RNF185: variants seen among roughly 807,000 people sequenced by gnomAD.
RNF185 encodes E3 ubiquitin-protein ligase RNF185.
RNF185 carries 13 observed loss-of-function variants against 24.9 expected under a neutral mutation model. That is an observed-to-expected ratio of 0.52 (90% CI 0.34 to 0.83). RNF185 has a LOEUF of 0.83. RNF185 is among the 40% of genes least tolerant of loss of function. RNF185 has a pLI of 0.01. For synonymous variants in RNF185, 79 were observed against 90.3 expected (o/e 0.88, Z 0.71); for missense variants, 184 against 244.7 (o/e 0.75, Z 1.65).
chr22:31,184,687 G>A (rs954641830), intron 1 of RNF185, among the ~76,000 whole-genome samples: 2 of 152,218 alleles, frequency 1.3e-5, no homozygotes, highest in Non-Finnish European at 2.9e-5. Context: ...GCCGAGGCTG[G>A]CAGACCACTG....
At chr22:31,188,053 A>G (rs910933402) in intron 2 of RNF185, among the ~76,000 whole-genome samples, 1 of 152,142 alleles carries the variant, frequency 6.6e-6, no homozygotes, top group East Asian at 1.9e-4. Context: ...GGACAGGCAC[A>G]TGCACTGTTG....
chr22:31,180,673 G>A (rs1465565557), intron 1 of RNF185, among the ~76,000 whole-genome samples: 1 of 152,026 alleles, frequency 6.6e-6, no homozygotes. Context: ...TTACAGGCAT[G>A]AGCCACCATG....
intron 1 of RNF185, among the ~76,000 whole-genome samples, chr22:31,167,130 T>C (rs895029869): frequency 1.3e-5 from 2 of 152,232 alleles, no homozygotes; most frequent in African/African-American, 4.8e-5. Flanking sequence ...TTTTTTTTAT[T>C]GTGGTAAGAT....
chr22:31,193,237 T>C (rs925075425), intron 3 of RNF185, among the ~76,000 whole-genome samples: 2 of 152,166 alleles, frequency 1.3e-5, no homozygotes, highest in Non-Finnish European at 2.9e-5. Flanking sequence ...ACCACACTCG[T>C]AGGTGGCCTG....
intron 1 of RNF185, among the ~76,000 whole-genome samples, chr22:31,160,532 C>A (rs1348903248): frequency 6.6e-6 from 1 of 152,192 alleles, no homozygotes; most frequent in Admixed American, 6.5e-5. Context: ...AGAAGGGCTC[C>A]CACAAGCTCT....
At chr22:31,176,623 G>A (rs1167544229) in intron 1 of RNF185, among the ~76,000 whole-genome samples, 1 of 151,600 alleles carries the variant, frequency 6.6e-6, no homozygotes, top group Non-Finnish European at 1.5e-5. Flanking sequence ...CGAGTTGCTG[G>A]GACTACAGGT....
chr22:31,174,411 C>T (rs1008298767), intron 1 of RNF185, among the ~76,000 whole-genome samples: 1 of 152,022 alleles, frequency 6.6e-6, no homozygotes, highest in African/African-American at 2.4e-5. Context: ...ACAGAGTCTC[C>T]TTCTGTCTCC....
intron 1 of RNF185, among the ~76,000 whole-genome samples, chr22:31,184,131 C>CTT (rs2048071472): frequency 6.6e-6 from 1 of 151,208 alleles, no homozygotes; most frequent in Admixed American, 6.6e-5. Flanking sequence ...GGGGCAGCTG[C>CTT]CGGGCAGAGA....
chr22:31,180,911 C>CTGTGTGTG (rs1480111783), intron 1 of RNF185, among the ~76,000 whole-genome samples: 12 of 124,536 alleles, frequency 9.6e-5, no homozygotes, highest in South Asian at 7.2e-4. Context: ...TTTTCTCTCT[C>CTGTGTGTG]TCTCTGTGTG....
intron 1 of RNF185, among the ~76,000 whole-genome samples, chr22:31,167,434 C>T (rs1923995650): frequency 6.6e-6 from 1 of 152,046 alleles, no homozygotes; most frequent in Non-Finnish European, 1.5e-5. Context: ...GCATACCAAA[C>T]AGAAACTCTA....
chr22:31,188,417 G>C (rs982428795), intron 2 of RNF185, among the ~76,000 whole-genome samples: 12 of 152,160 alleles, frequency 7.9e-5, no homozygotes, highest in Admixed American at 2.6e-4. Flanking sequence ...GGATACTTCA[G>C]GGTATCGTAA....
chr22:31,170,006 G>T (rs904484674), intron 1 of RNF185, among the ~76,000 whole-genome samples: 1 of 152,130 alleles, frequency 6.6e-6, no homozygotes, highest in East Asian at 1.9e-4. Flanking sequence ...TATGTTCATT[G>T]AGCCAGATTG....
At chr22:31,188,601 A>G (rs1391389421) in intron 2 of RNF185, among the ~76,000 whole-genome samples, 4 of 150,998 alleles carry the variant, frequency 2.6e-5, no homozygotes, top group African/African-American at 7.3e-5. Flanking sequence ...CCATGGTGGG[A>G]GGATCACTTG....
At chr22:31,175,662 C>T (rs1366272064) in intron 1 of RNF185, among the ~76,000 whole-genome samples, 1 of 152,020 alleles carries the variant, frequency 6.6e-6, no homozygotes, top group African/African-American at 2.4e-5. Flanking sequence ...TATAGTCAAG[C>T]AGTCTTGAAG....
chr22:31,173,725 G>A (rs1358110384), intron 1 of RNF185, among the ~76,000 whole-genome samples: 1 of 152,198 alleles, frequency 6.6e-6, no homozygotes, highest in Non-Finnish European at 1.5e-5. Context: ...GATAATTCAT[G>A]TAGAGGGCTG....
intron 2 of RNF185, among the ~76,000 whole-genome samples, chr22:31,189,135 A>AATATGTG (rs1555882536): frequency 3.7e-5 from 5 of 136,906 alleles, no homozygotes; most frequent in Non-Finnish European, 7.8e-5. Flanking sequence ...CAAAAAAAAA[A>AATATGTG]TGTGTGTGTG....
At chr22:31,163,430 C>G (rs947276043) in intron 1 of RNF185, among the ~76,000 whole-genome samples, 6 of 151,756 alleles carry the variant, frequency 4.0e-5, no homozygotes, top group African/African-American at 1.2e-4. Flanking sequence ...TGGGCTGAAG[C>G]CATCTTCCCA....
rs1047753280 is a variant in RNF185 at position 31,205,456 on chromosome 22, G to T, written c.*870G>T. On this transcript the variant is annotated 3_prime_UTR_variant, in exon 7 of 7. Transcript: ENST00000326132. ...AAAGACCTGGAGTCAGGACTTTGGT[G>T]GGATTTGGAGCTCCGAGGCAGTAAT... The T allele has an allele frequency of 5.1e-5, 8 of 155,402 alleles. No homozygotes were observed. Among genetic ancestry groups the T allele is most frequent in the African/African-American group, 1.9e-4 (8 of 41,452 alleles). The allele number at this position is 155,402 out of a possible 1,614,324, so 9.6% of individuals were successfully genotyped here.
At chr22:31,182,871 A>C (rs2048052445) in intron 1 of RNF185, 2 of 150,878 alleles carry the variant, frequency 1.3e-5, no homozygotes, top group African/African-American at 2.4e-5. Flanking sequence ...ACTTGCACCT[A>C]TCCTCCATAT....
Sources: allele counts gnomAD v4.1 joint callset (sites outside exome capture counted in the v4.1 genomes callset), GRCh38; gene constraint gnomAD v4.1.1; transcripts MANE v1.5; gene names NCBI Gene and HGNC (gene_info 2026-07-23, HGNC 2026-07-21).